The following LETM2 variants were observed in gnomAD, a reference collection of about 807,000 sequenced individuals.
LETM2 encodes LETM1 domain-containing protein LETM2, mitochondrial.
In LETM2, 58 loss-of-function variants were observed where a neutral mutation model predicts 59.6. The observed-to-expected ratio is 0.97, with a 90% confidence interval of 0.79 to 1.21. LETM2 has a LOEUF of 1.21. LETM2 is among the 50% of genes most tolerant of loss of function. LETM2 has a pLI of 0.00. For synonymous variants in LETM2, 199 were observed against 214.1 expected (o/e 0.93, Z 0.62); for missense variants, 572 against 575.7 (o/e 0.99, Z 0.07).
chr8:38,408,221 G>A lies in LETM2; in HGVS notation c.1423G>A (p.Ala475Thr). 6.2e-7 allele frequency: 1 copy of A among 1,612,670 alleles called. No individual in the cohort carries two copies. Among genetic ancestry groups the A allele is most frequent in the Non-Finnish European group, 8.5e-7 (1 of 1,179,394 alleles). Residue 475 changes from alanine to threonine, a missense_variant, in exon 11 of 11, where the codon GCC becomes ACC. Ala to Thr is a moderately conservative substitution (Grantham distance 58). Coordinates refer to ENST00000379957, the MANE Select transcript of LETM2 (RefSeq NM_001286819.2). ...ITSSEEPTLQ[A>T]KSQMTAQNSK... ...TGTTTTTTACGCCTAGACACTCCAGGCCAAATCACAAATGACGGCCCAGAA... is the reference window on the plus strand; with the variant it reads ...TGTTTTTTACGCCTAGACACTCCAGACCAAATCACAAATGACGGCCCAGAA...
At chr8:38,400,246 G>T (rs1003467515) in intron 4 of LETM2, 26 bp from the exon 5 acceptor site, 1 of 1,579,946 alleles carries the variant, frequency 6.3e-7, no homozygotes. Context: ...GAAGGATTGA[G>T]TAACTTTTAT....
chr8:38,401,138 TTTTG>T (rs1813184686), intron 6 of LETM2, 85 bp downstream of exon 6: 11 of 987,040 alleles, frequency 1.1e-5, no homozygotes, highest in African/African-American at 1.6e-5. Context: ...GTGCAGTATT[TTTTG>T]TTTTTGTTTT....
At chr8:38,394,443 T>G (rs1266683757) in intron 4 of LETM2, 4 of 414,972 alleles carry the variant, frequency 9.6e-6, no homozygotes, top group Non-Finnish European at 1.7e-5. Context: ...AAGCTCATAC[T>G]TTAGGGTCCA....
chr8:38,407,638 T>G (rs927800762), intron 10 of LETM2, among the ~76,000 whole-genome samples, 175 bp downstream of exon 10: 5 of 147,066 alleles, frequency 3.4e-5, no homozygotes, highest in African/African-American at 1.2e-4. Flanking sequence ...GTTTTTTACT[T>G]CAACTATCCA....
At chr8:38,400,115 C>T (rs1813061565) in intron 4 of LETM2, among the ~76,000 whole-genome samples, 157 bp from the exon 5 acceptor site, 1 of 152,190 alleles carries the variant, frequency 6.6e-6, no homozygotes, top group Non-Finnish European at 1.5e-5. Context: ...TTTTTACTTG[C>T]TCTGGTCTCA....
intron 4 of LETM2, among the ~76,000 whole-genome samples, chr8:38,396,065 C>T (rs964155487): frequency 5.9e-5 from 9 of 152,172 alleles, no homozygotes; most frequent in Middle Eastern, 3.4e-3. Context: ...ACTTATTGCC[C>T]AACTGAAGGT....
rs3215418 is a variant in LETM2, at chr8:38,407,647, C to CA, written c.1413+195dup. ...AACCACGTTTTTTACTTCAACTATC[C>CA]AAAAAAAAAAATTGTGGGTCAGACT... is the stretch of plus-strand genomic sequence containing the variant. On this transcript the variant is annotated intron_variant, in intron 10 of 10. Transcript: ENST00000379957. Among the ~76,000 whole-genome samples, 1,431 of 147,520 alleles carry CA rather than the reference C, an allele frequency of 9.7e-3. 19 individuals are homozygous for CA. The highest frequency in any genetic ancestry group is 0.033 in the African/African-American group (1,308 of 40,200).
rs367636322 is a variant in LETM2 at position 38,408,318 on chromosome 8, C to G, written c.*44C>G. 2.3e-5 allele frequency: 36 copies of G among 1,534,190 alleles called. No individual in the cohort carries two copies. The highest frequency in any genetic ancestry group is 3.1e-5 in the Non-Finnish European group (35 of 1,112,342). On this transcript the variant is annotated 3_prime_UTR_variant, in exon 11 of 11. Coordinates refer to ENST00000379957, the MANE Select transcript of LETM2 (RefSeq NM_001286819.2). ...AGCTCACTCTCTTCAGCTTCCGGCC[C>G]TCAACAGTGGCATCTGTAAAGGACC... is the stretch of plus-strand genomic sequence containing the variant.
Position 38,392,633 on chromosome 8 carries a change from TGTATGAA to T in LETM2, c.141_147del (p.Cys47Ter), listed in dbSNP as rs747861585. ...GCCAGATTCCCATTTAAATAAGACA[TGTATGAA>T]GAACTATGAGAGCAAGAAGTACTCG... On this transcript the variant is annotated frameshift_variant, in exon 3 of 11. Coordinates refer to ENST00000379957, the MANE Select transcript of LETM2 (RefSeq NM_001286819.2). LOFTEE classifies it high-confidence loss of function. 2 of 1,613,924 alleles carry T rather than the reference TGTATGAA, an allele frequency of 1.2e-6. No individual in the cohort carries two copies. The highest frequency in any genetic ancestry group is 3.3e-5 in the Admixed American group (2 of 60,004).
chr8:38,404,188 T>C (rs570370057), intron 7 of LETM2, among the ~76,000 whole-genome samples: 2 of 152,262 alleles, frequency 1.3e-5, no homozygotes, highest in African/African-American at 4.8e-5. Flanking sequence ...GATTCCACCA[T>C]AGTGAGGGAG....
chr8:38,406,673 CA>C (rs1434662453), intron 8 of LETM2: 1 of 335,262 alleles, frequency 3.0e-6, no homozygotes, highest in Non-Finnish European at 5.4e-6. Context: ...GGACCAGTGC[CA>C]TCAGTGGATT....
At chr8:38,404,625 C>G in intron 8 of LETM2, 119 bp downstream of exon 8, 1 of 678,868 alleles carries the variant, frequency 1.5e-6, no homozygotes, top group Non-Finnish European at 2.6e-6. Context: ...GAATTTGACC[C>G]AACTGGCTTT....
At chr8:38,394,521 T>C (rs1275066714) in intron 4 of LETM2, 2 of 244,800 alleles carry the variant, frequency 8.2e-6, no homozygotes, top group Non-Finnish European at 1.6e-5. Flanking sequence ...CATCACAGTA[T>C]CATACAAAAT....
chr8:38,401,046 A>G lies in LETM2; in HGVS notation c.977A>G (p.Asp326Gly). ...ATGAAACTGAAGTCTATAAAAGCAG[A>G]TGATGAAGTAAGAGCTTAACCATAG... ...LLMKLKSIKA[D>G]DEIIAKEGVT... is the part of the protein sequence containing the mutation. The change falls in exon 6 of 11, where the codon GAT becomes GGT. Residue 326 changes from aspartate (D) to glycine (G), a missense_variant. Coordinates refer to ENST00000379957, the MANE Select transcript of LETM2 (RefSeq NM_001286819.2). 6.2e-7 allele frequency: 1 copy of G among 1,613,000 alleles called. No homozygotes were observed. Among genetic ancestry groups the G allele is most frequent in the Non-Finnish European group, 8.5e-7 (1 of 1,179,378 alleles).
chr8:38,384,082 A>C (rs867161359), upstream of LETM2, among the ~76,000 whole-genome samples: 9 of 152,322 alleles, frequency 5.9e-5, no homozygotes, highest in Middle Eastern at 3.4e-3. Context: ...CGGGCCACCA[A>C]GTCTAGCTTA....
chr8:38,388,076 T>A, intron 2 of LETM2, 46 bp downstream of exon 2: 1 of 1,259,272 alleles, frequency 7.9e-7, no homozygotes, highest in Non-Finnish European at 1.1e-6. Context: ...TTCTTCTTCT[T>A]CTTCTTTTTT....
rs1475003399 is a variant in LETM2 at position 38,394,302 on chromosome 8, C to A, written c.645+61C>A. On this transcript the variant is annotated intron_variant, in intron 4 of 10. Transcript: ENST00000379957. ...CTTATTAGAGGAGTTTTTAGGTTTA[C>A]AGAAAACTTGGGCAGAAAGTACTAC... 2.9e-6 allele frequency: 3 copies of A among 1,051,200 alleles called. No individual in the cohort carries two copies. The African/African-American group carries it at 4.8e-5, about 17-fold the overall frequency. 65.1% of individuals were successfully genotyped at this position (1,051,200 alleles called of 1,614,324 possible).
rs771624443 is a variant in LETM2, at chr8:38,392,945, GT to G, written c.454del (p.Trp152GlyfsTer9). The G allele has an allele frequency of 6.2e-7, 1 of 1,611,162 alleles. No individual in the cohort carries two copies. The highest frequency in any genetic ancestry group is 8.5e-7 in the Non-Finnish European group (1 of 1,180,026). On this transcript the variant is annotated frameshift_variant, in exon 3 of 11. Coordinates refer to ENST00000379957, the MANE Select transcript of LETM2 (RefSeq NM_001286819.2). LOFTEE classifies it high-confidence loss of function. ...TGACGCCAAAGTTGCTGCCAGAATG[GT>G]TTGGAGGCTGTTGCATGGACAGGTC... ...WIDAKVAARM[V>X]WRLLHGQVLT... is the part of the protein sequence containing the mutation.
In LETM2 at chr8:38,408,728, G is replaced by T. The variant is rs1047899897; in HGVS notation, c.*454G>T. The T allele has an allele frequency of 1.9e-5, 3 of 155,548 alleles. No homozygotes were observed. Among genetic ancestry groups the T allele is most frequent in the African/African-American group, 7.2e-5 (3 of 41,474 alleles). The allele number at this position is 155,548 out of a possible 1,614,324, so 9.6% of individuals were successfully genotyped here. Reference sequence around the variant, plus strand: ...TCTGAATGATCCACCAGTAGGATCAGCACCCTGGAAACAAAGTACCTTATG... The same window carrying T: ...TCTGAATGATCCACCAGTAGGATCATCACCCTGGAAACAAAGTACCTTATG... On this transcript the variant is annotated 3_prime_UTR_variant, in exon 11 of 11. Transcript: ENST00000379957.
Sources: gnomAD v4.1 joint callset for allele counts (sites outside exome capture counted in the v4.1 genomes callset) on GRCh38, gnomAD v4.1.1 for gene constraint, MANE v1.5 for transcripts, NCBI Gene and HGNC (gene_info 2026-07-23, HGNC 2026-07-21) for gene names.